Variants in KLF14 observed in about 807,000 individuals in gnomAD.
KLF14 encodes the protein KLF transcription factor 14.
KLF14 carries 13 observed loss-of-function variants against 16.2 expected under a neutral mutation model. That is an observed-to-expected ratio of 0.80 (90% CI 0.52 to 1.28). The LOEUF is 1.28. KLF14 is among the 50% of genes most tolerant of loss of function. KLF14 has a pLI of 0.00. For missense variants in KLF14, 571 were observed against 493.4 expected (o/e 1.16, Z -1.49); for synonymous variants, 276 against 233.7 (o/e 1.18, Z -1.65).
Position 130,733,300 on chromosome 7 carries a change from T to C in KLF14, c.734A>G (p.His245Arg). The change falls in exon 1 of 1, where the codon CAC (histidine) becomes CGC (arginine). Residue 245 changes from histidine (H) to arginine (R), a missense_variant. Coordinates refer to ENST00000583337, the MANE Select transcript of KLF14 (RefSeq NM_138693.4). The surrounding 1 kb of genome is among the most constrained non-coding windows in gnomAD (Gnocchi z 5.2). ...CTTCTCGCCCGTGTGCGTCCTGTAG[T>C]GGCGGGCCAGCTCGTCGGAACGCGT... The part of the protein sequence containing the change: ...KFTRSDELAR[H>R]YRTHTGEKRF... 2 of 1,606,762 alleles carry C rather than the reference T, an allele frequency of 1.2e-6. No individual in the cohort carries two copies. Among genetic ancestry groups the C allele is most frequent in the Non-Finnish European group, 1.7e-6 (2 of 1,177,150 alleles).
Position 130,733,162 on chromosome 7 carries a change from C to T in KLF14, c.872G>A (p.Arg291His). ...HPDMIEYRGR[R>H]RTPRIDPPLT... ...TGGCGGGTCGATGCGGGGAGTTCGA[C>T]GACGTCCCCGGTACTCGATCATATC... is the stretch of plus-strand genomic sequence containing the variant. The change falls in exon 1 of 1, where the codon CGT becomes CAT. Residue 291 changes from arginine (R) to histidine (H), a missense_variant. Arg to His is a conservative substitution (Grantham distance 29). Coordinates refer to ENST00000583337, the MANE Select transcript of KLF14 (RefSeq NM_138693.4). This position sits in a 1 kb window ranked among gnomAD's most constrained non-coding sequence, Gnocchi z 5.2. 1 of 1,583,908 alleles carries T rather than the reference C, an allele frequency of 6.3e-7. No individual in the cohort carries two copies. The highest frequency in any genetic ancestry group is 8.6e-7 in the Non-Finnish European group (1 of 1,164,044).
Position 130,734,066 on chromosome 7 carries a change from C to G in KLF14, c.-33G>C. The stretch of plus-strand genomic sequence containing the variant: ...CCGCCCGGCCGCCGGCGAGCGCCGT[C>G]CGAACGCGGCCGGCCGCGGGCGACG... On this transcript the variant is annotated 5_prime_UTR_variant, in exon 1 of 1. Transcript: ENST00000583337. This position sits in a 1 kb window ranked among gnomAD's most constrained non-coding sequence, Gnocchi z 4.4. 2 of 1,185,202 alleles carry G rather than the reference C, an allele frequency of 1.7e-6. No homozygotes were observed. Among genetic ancestry groups the G allele is most frequent in the Non-Finnish European group, 2.1e-6 (2 of 958,698 alleles). The allele number at this position is 1,185,202 out of a possible 1,614,324, so 73.4% of individuals were successfully genotyped here.
Position 130,733,760 on chromosome 7 carries a change from A to G in KLF14, c.274T>C (p.Leu92=), listed in dbSNP as rs782249897. The part of the protein sequence containing the change: ...HLLAASVWAD[L]RGSSGEGSWE... Reference sequence around the variant, plus strand: ...GAGCCCTCGCCAGAGCTGCCGCGCAAGTCCGCCCAGACGCTTGCAGCCAGC... The same window carrying G: ...GAGCCCTCGCCAGAGCTGCCGCGCAGGTCCGCCCAGACGCTTGCAGCCAGC... Residue 92 remains leucine, a synonymous_variant, in exon 1 of 1, where the codon TTG becomes CTG. Transcript: ENST00000583337. The surrounding 1 kb of genome is among the most constrained non-coding windows in gnomAD (Gnocchi z 5.2). 5.2e-6 allele frequency: 8 copies of G among 1,528,466 alleles called. No homozygotes were observed. In the South Asian group the frequency reaches 9.6e-5, roughly 18 times the overall value. The allele number at this position is 1,528,466 out of a possible 1,614,324, so 94.7% of individuals were successfully genotyped here. A position where few individuals can be genotyped will look rare whatever the true frequency, so the allele number is the denominator to read the frequency against.
chr7:130,732,814 G>T lies in KLF14; in HGVS notation c.*248C>A. 1 of 508,366 alleles carries T rather than the reference G, an allele frequency of 2.0e-6. No individual in the cohort carries two copies. The highest frequency in any genetic ancestry group is 3.5e-6 in the Non-Finnish European group (1 of 286,080). The allele number at this position is 508,366 out of a possible 1,614,324, so 31.5% of individuals were successfully genotyped here. On this transcript the variant is annotated 3_prime_UTR_variant, in exon 1 of 1. Coordinates refer to ENST00000583337, the MANE Select transcript of KLF14 (RefSeq NM_138693.4). Reference sequence around the variant, plus strand: ...TACGGGAGTTCATCCCTTCTTATCAGTTCCTGGGGGCTGTCTTGAGGCAAC... The same window carrying T: ...TACGGGAGTTCATCCCTTCTTATCATTTCCTGGGGGCTGTCTTGAGGCAAC...
In KLF14 at chr7:130,733,732, C is replaced by G. The variant is rs1407513782; in HGVS notation, c.302G>C (p.Trp101Ser). ...GCGTGGAGCTTCCCCCGAGTTCTCC[C>G]AGGAGCCCTCGCCAGAGCTGCCGCG... is the stretch of plus-strand genomic sequence containing the variant. ...DLRGSSGEGSWENSGEAPRAS... is the reference protein window; with the variant it reads ...DLRGSSGEGSSENSGEAPRAS... The change falls in exon 1 of 1, where the codon TGG becomes TCG. Residue 101 changes from tryptophan (W) to serine (S), a missense_variant. Coordinates refer to ENST00000583337, the MANE Select transcript of KLF14 (RefSeq NM_138693.4). The surrounding 1 kb of genome is among the most constrained non-coding windows in gnomAD (Gnocchi z 5.2). 1 of 1,550,022 alleles carries G rather than the reference C, an allele frequency of 6.5e-7. No homozygotes were observed. The highest frequency in any genetic ancestry group is 8.7e-7 in the Non-Finnish European group (1 of 1,155,020).
Position 130,731,937 on chromosome 7 carries a change from A to T in KLF14, c.*1125T>A, listed in dbSNP as rs146573807. ...CCTTGCTACTCCTTCCTCAAATCCA[A>T]GGCAGCCAGCTCCTTGGAAGAAACC... On this transcript the variant is annotated 3_prime_UTR_variant, in exon 1 of 1. Coordinates refer to ENST00000583337, the MANE Select transcript of KLF14 (RefSeq NM_138693.4). 6.6e-6 allele frequency: 1 copy of T among 152,322 alleles called. No homozygotes were observed. The highest frequency in any genetic ancestry group is 2.4e-5 in the African/African-American group (1 of 41,546). 9.4% of individuals were successfully genotyped at this position (152,322 alleles called of 1,614,324 possible). A position where few individuals can be genotyped will look rare whatever the true frequency, so the allele number is the denominator to read the frequency against.
Position 130,732,648 on chromosome 7 carries a change from CT to C in KLF14, c.*413del, listed in dbSNP as rs1797209535. 1 of 174,924 alleles carries C rather than the reference CT, an allele frequency of 5.7e-6. No individual in the cohort carries two copies. Among genetic ancestry groups the C allele is most frequent in the Admixed American group, 5.9e-5 (1 of 16,998 alleles). The allele number at this position is 174,924 out of a possible 1,614,324, so 10.8% of individuals were successfully genotyped here. ...CTGGACATTTCCAAGACTGCCACCC[CT>C]GACACCCTCTCCAAGGTCCGCCCTG... On this transcript the variant is annotated 3_prime_UTR_variant, in exon 1 of 1. Coordinates refer to ENST00000583337, the MANE Select transcript of KLF14 (RefSeq NM_138693.4).
rs782348918 is a variant in KLF14, at chr7:130,733,398, G to A, written c.636C>T (p.Leu212=). ...CCGTGTGGGTGCGCTGGTGGGACTT[G>A]AGGTGCGACGACTTGTAATAGGCTT... is the stretch of plus-strand genomic sequence containing the variant. ...CTKAYYKSSH[L]KSHQRTHTGE... is the part of the protein sequence containing the mutation. The change falls in exon 1 of 1, where the codon CTC becomes CTT. Residue 212 remains leucine (L), a synonymous_variant. Coordinates refer to ENST00000583337, the MANE Select transcript of KLF14 (RefSeq NM_138693.4). This position sits in a 1 kb window ranked among gnomAD's most constrained non-coding sequence, Gnocchi z 5.2. 1.2e-6 allele frequency: 2 copies of A among 1,614,202 alleles called. No individual in the cohort carries two copies. Among genetic ancestry groups the A allele is most frequent in the Non-Finnish European group, 1.7e-6 (2 of 1,180,026 alleles).
At position 130,733,600 on chromosome 7, in the gene KLF14, G is replaced by T; in HGVS notation, c.434C>A (p.Ser145Tyr). ...CGCGCTTGGGACGGCGGGCGCATCG[G>T]AGGAGCTCTCGGGAGCGCAGACCGC... ...AAAVCAPESS[S>Y]DAPAVPSAPA... The change falls in exon 1 of 1, where the codon TCC becomes TAC. Residue 145 changes from serine (S) to tyrosine (Y), a missense_variant. By Grantham distance (144) the Ser-to-Tyr change is moderately radical. Transcript: ENST00000583337. This position sits in a 1 kb window ranked among gnomAD's most constrained non-coding sequence, Gnocchi z 5.2. The T allele has an allele frequency of 6.5e-7, 1 of 1,546,584 alleles. No individual in the cohort carries two copies.
chr7:130,732,554 T>C lies in KLF14; in HGVS notation c.*508A>G, dbSNP rs1797207468. ...CTATTTAAAAGATGCTAAAAATAAA[T>C]TAGTAAACATTGCTGTTTACAGAAA... On this transcript the variant is annotated 3_prime_UTR_variant, in exon 1 of 1. Transcript: ENST00000583337. 1 of 153,028 alleles carries C rather than the reference T, an allele frequency of 6.5e-6. No individual in the cohort carries two copies. 9.5% of individuals were successfully genotyped at this position (153,028 alleles called of 1,614,324 possible). A position where few individuals can be genotyped will look rare whatever the true frequency, so the allele number is the denominator to read the frequency against.
chr7:130,733,725 G>A lies in KLF14; in HGVS notation c.309C>T (p.Asn103=). 1 of 1,555,976 alleles carries A rather than the reference G, an allele frequency of 6.4e-7. No homozygotes were observed. The highest frequency in any genetic ancestry group is 8.6e-7 in the Non-Finnish European group (1 of 1,157,662). The part of the protein sequence containing the change: ...RGSSGEGSWE[N]SGEAPRASSG... The stretch of plus-strand genomic sequence containing the variant: ...ACGAGGCGCGTGGAGCTTCCCCCGA[G>A]TTCTCCCAGGAGCCCTCGCCAGAGC... Residue 103 remains asparagine, a synonymous_variant, in exon 1 of 1, where the codon AAC becomes AAT. Transcript: ENST00000583337. The surrounding 1 kb of genome is among the most constrained non-coding windows in gnomAD (Gnocchi z 5.2).
rs1554470512 is a variant in KLF14, at chr7:130,731,283, G to A, written c.*1779C>T. 1 of 152,272 alleles carries A rather than the reference G, an allele frequency of 6.6e-6. No individual in the cohort carries two copies. The highest frequency in any genetic ancestry group is 1.5e-5 in the Non-Finnish European group (1 of 68,086). The allele number at this position is 152,272 out of a possible 1,614,324, so 9.4% of individuals were successfully genotyped here. ...CACTTTATGTCCACATGGTGTGAAG[G>A]GAGGGAACGTAACCAGTTAAGAAAA... On this transcript the variant is annotated 3_prime_UTR_variant, in exon 1 of 1. Transcript: ENST00000583337.
At position 130,730,803 on chromosome 7, in the gene KLF14, T is replaced by C. The variant is rs1289952105; in HGVS notation, c.*2259A>G. On this transcript the variant is annotated 3_prime_UTR_variant, in exon 1 of 1. Transcript: ENST00000583337. ...TTAGTGGAAATTCCTGTTGGCTTCC[T>C]TGGTCCACTTACCCAATGGCAGATC... is the stretch of plus-strand genomic sequence containing the variant. Among the ~76,000 whole-genome samples, 8 of 152,232 alleles carry C rather than the reference T, an allele frequency of 5.3e-5. No homozygotes were observed. Among genetic ancestry groups the C allele is most frequent in the African/African-American group, 1.9e-4 (8 of 41,448 alleles).
chr7:130,733,984 A>T lies in KLF14; in HGVS notation c.50T>A (p.Val17Glu). The T allele has an allele frequency of 7.3e-7, 1 of 1,377,120 alleles. No individual in the cohort carries two copies. Among genetic ancestry groups the T allele is most frequent in the Non-Finnish European group, 9.4e-7 (1 of 1,060,422 alleles). 85.3% of individuals were successfully genotyped at this position (1,377,120 alleles called of 1,614,324 possible). A position where few individuals can be genotyped will look rare whatever the true frequency, so the allele number is the denominator to read the frequency against. The change falls in exon 1 of 1, where the codon GTG (valine) becomes GAG (glutamate). Residue 17 changes from valine (V) to glutamate (E), a missense_variant. Val to Glu is a moderately radical substitution (Grantham distance 121). Transcript: ENST00000583337. This position sits in a 1 kb window ranked among gnomAD's most constrained non-coding sequence, Gnocchi z 5.2. ...CLDYFAAECL[V>E]SMSAGAVVHR... ...AACCACGGCGCCCGCGGACATGGAC[A>T]CCAGGCACTCGGCGGCGAAGTAGTC...
Position 130,733,858 on chromosome 7 carries a change from C to A in KLF14, c.176G>T (p.Gly59Val). 7.4e-7 allele frequency: 1 copy of A among 1,342,418 alleles called. No homozygotes were observed. Among genetic ancestry groups the A allele is most frequent in the Non-Finnish European group, 9.5e-7 (1 of 1,057,186 alleles). 83.2% of individuals were successfully genotyped at this position (1,342,418 alleles called of 1,614,324 possible). A position where few individuals can be genotyped will look rare whatever the true frequency, so the allele number is the denominator to read the frequency against. Reference protein sequence around the residue: ...ESALPGPGPPGPASVPQLPQV... With the variant: ...ESALPGPGPPVPASVPQLPQV... ...CGGGAGCTGGGGGACCGACGCGGGC[C>A]CCGGTGGCCCCGGACCCGGCAGAGC... The change falls in exon 1 of 1, where the codon GGG (glycine) becomes GTG (valine). Residue 59 changes from glycine to valine, a missense_variant. Physicochemically the swap from Gly to Val is moderately radical, Grantham distance 109. Transcript: ENST00000583337. The surrounding 1 kb of genome is among the most constrained non-coding windows in gnomAD (Gnocchi z 5.2).
Position 130,733,093 on chromosome 7 carries a change from C to T in KLF14, c.941G>A (p.Gly314Asp), listed in dbSNP as rs782796159. The change falls in exon 1 of 1, where the codon GGC becomes GAC. Residue 314 changes from glycine to aspartate, a missense_variant. Physicochemically the swap from Gly to Asp is moderately conservative, Grantham distance 94. Coordinates refer to ENST00000583337, the MANE Select transcript of KLF14 (RefSeq NM_138693.4). The surrounding 1 kb of genome is among the most constrained non-coding windows in gnomAD (Gnocchi z 5.2). ...GCAGGTGGTGAAGCTGGGCGCCGGG[C>T]CGGGACCGGAGCCGGAGGCGGAGCT... Reference protein sequence around the residue: ...VESSASGSGPGPAPSFTTCL With the variant: ...VESSASGSGPDPAPSFTTCL 6 of 1,577,132 alleles carry T rather than the reference C, an allele frequency of 3.8e-6. No homozygotes were observed. The South Asian group carries it at 7.1e-5, about 19-fold the overall frequency.
rs1163720473 is a variant in KLF14 at position 130,732,338 on chromosome 7, G to A, written c.*724C>T. On this transcript the variant is annotated 3_prime_UTR_variant, in exon 1 of 1. Coordinates refer to ENST00000583337, the MANE Select transcript of KLF14 (RefSeq NM_138693.4). ...CATCCTCAAGTAGGAATCCAAATGG[G>A]GAGAAGGGCTACGACGCAAGCGCAG... 1 of 152,222 alleles carries A rather than the reference G, an allele frequency of 6.6e-6. No homozygotes were observed. The highest frequency in any genetic ancestry group is 2.4e-5 in the African/African-American group (1 of 41,432). The allele number at this position is 152,222 out of a possible 1,614,324, so 9.4% of individuals were successfully genotyped here.
In KLF14 at chr7:130,733,937, CG is replaced by C; in HGVS notation, c.96del (p.Glu33ArgfsTer139). On this transcript the variant is annotated frameshift_variant, in exon 1 of 1. Coordinates refer to ENST00000583337, the MANE Select transcript of KLF14 (RefSeq NM_138693.4). LOFTEE classifies it high-confidence loss of function. The surrounding 1 kb of genome is among the most constrained non-coding windows in gnomAD (Gnocchi z 5.2). ...GAVVHRRPPD[P>X]EGAGGAAGSE... ...GAGCCAGCGGCTCCACCCGCGCCCTCGGGGTCCGGCGGGCGGCGGTGAACCA... is the reference window on the plus strand; with the variant it reads ...GAGCCAGCGGCTCCACCCGCGCCCTCGGGTCCGGCGGGCGGCGGTGAACCA... 1 of 1,357,764 alleles carries C rather than the reference CG, an allele frequency of 7.4e-7. No individual in the cohort carries two copies. Among genetic ancestry groups the C allele is most frequent in the Non-Finnish European group, 9.5e-7 (1 of 1,052,952 alleles). 84.1% of individuals were successfully genotyped at this position (1,357,764 alleles called of 1,614,324 possible).
chr7:130,734,044 C>T lies in KLF14; in HGVS notation c.-11G>A. 1 of 1,235,408 alleles carries T rather than the reference C, an allele frequency of 8.1e-7. No individual in the cohort carries two copies. Among genetic ancestry groups the T allele is most frequent in the Non-Finnish European group, 1.0e-6 (1 of 990,670 alleles). 76.5% of individuals were successfully genotyped at this position (1,235,408 alleles called of 1,614,324 possible). On this transcript the variant is annotated 5_prime_UTR_variant, in exon 1 of 1. Transcript: ENST00000583337. The surrounding 1 kb of genome is among the most constrained non-coding windows in gnomAD (Gnocchi z 4.4). ...CACGGCGGCCGACATGCTGGGACCG[C>T]CCGGCCGCCGGCGAGCGCCGTCCGA...
Sources: allele counts gnomAD v4.1 joint callset (sites outside exome capture counted in the v4.1 genomes callset), GRCh38; gene constraint gnomAD v4.1.1; non-coding constraint Gnocchi (gnomAD v3.1); transcripts MANE v1.5; gene names NCBI Gene and HGNC (gene_info 2026-07-23, HGNC 2026-07-21).